SHISA7: variants seen among roughly 807,000 people sequenced by gnomAD.
SHISA7 encodes protein shisa-7.
A neutral mutation model predicts 23.9 loss-of-function variants in SHISA7; 6 were observed. That is an observed-to-expected ratio of 0.25 (90% CI 0.14 to 0.50). SHISA7 has a LOEUF of 0.50. Ranked by LOEUF, SHISA7 falls within the 20% of genes least tolerant of loss-of-function variation. The pLI is 0.98. For missense variants in SHISA7, 671 were observed against 801.1 expected (o/e 0.84, Z 1.96); for synonymous variants, 386 against 398.3 (o/e 0.97, Z 0.37).
At chr19:55,434,782 G>GGT (rs1295337245) in intron 3 of SHISA7, among the ~76,000 whole-genome samples, 2 of 119,618 alleles carry the variant, frequency 1.7e-5, no homozygotes, top group Non-Finnish European at 3.5e-5. Context: ...GTGTGTGTAT[G>GGT]GTGTGTGTGG....
intron 3 of SHISA7, among the ~76,000 whole-genome samples, chr19:55,435,096 GTGTA>G (rs1985401770): frequency 2.1e-5 from 1 of 48,078 alleles, no homozygotes; most frequent in Non-Finnish European, 4.5e-5. Flanking sequence ...TGTGGTGTGT[GTGTA>G]TGGTGTGTGT....
intron 2 of SHISA7, among the ~76,000 whole-genome samples, chr19:55,439,747 C>G (rs536228329): frequency 1.3e-5 from 2 of 152,082 alleles, no homozygotes; most frequent in Admixed American, 1.3e-4. Flanking sequence ...TCAAATACCT[C>G]TCCCTCGGAG....
At chr19:55,435,966 G>A (rs888969958) in intron 3 of SHISA7, among the ~76,000 whole-genome samples, 2 of 152,110 alleles carry the variant, frequency 1.3e-5, no homozygotes, top group East Asian at 3.9e-4. Context: ...GTGTGTGTGT[G>A]TGTGTGTCTC....
At chr19:55,434,831 G>GGTGTGTGTGGT (rs570559411) in intron 3 of SHISA7, among the ~76,000 whole-genome samples, 2 of 77,950 alleles carry the variant, frequency 2.6e-5, no homozygotes, top group Non-Finnish European at 4.7e-5. Context: ...ATGTGTGTGT[G>GGTGTGTGTGGT]GTGTGTGGTG....
chr19:55,438,685 G>A (rs1031501070), intron 2 of SHISA7: 127 of 1,273,868 alleles, frequency 1.0e-4, no homozygotes, highest in Middle Eastern at 4.3e-4. Context: ...AGCTGGCACC[G>A]TGGCCCTGAT....
intron 3 of SHISA7, among the ~76,000 whole-genome samples, chr19:55,434,013 G>A (rs140883299): frequency 1.3e-5 from 2 of 150,942 alleles, no homozygotes; most frequent in Admixed American, 6.6e-5. Flanking sequence ...CCCCCGCGCC[G>A]CCTATCCCTT....
chr19:55,431,286 G>A lies in SHISA7; in HGVS notation c.*1870C>T, dbSNP rs1047780802. 3 of 152,174 alleles carry A rather than the reference G, an allele frequency of 2.0e-5. No individual in the cohort carries two copies. The highest frequency in any genetic ancestry group is 2.0e-4 in the Admixed American group (3 of 15,276). The allele number at this position is 152,174 out of a possible 1,614,324, so 9.4% of individuals were successfully genotyped here. A position where few individuals can be genotyped will look rare whatever the true frequency, so the allele number is the denominator to read the frequency against. ...TGACACCAAAATCATGAGGGATTAT[G>A]GGAAATGGTGGAATCATCAGTCCTA... On this transcript the variant is annotated 3_prime_UTR_variant, in exon 4 of 4. Transcript: ENST00000376325.
Position 55,429,014 on chromosome 19 carries a change from T to C in SHISA7, c.*4142A>G, listed in dbSNP as rs762189473. 6.6e-6 allele frequency: 1 copy of C among 152,412 alleles called. No homozygotes were observed. The highest frequency in any genetic ancestry group is 6.5e-5 in the Admixed American group (1 of 15,288). The allele number at this position is 152,412 out of a possible 1,614,324, so 9.4% of individuals were successfully genotyped here. On this transcript the variant is annotated 3_prime_UTR_variant, in exon 4 of 4. Coordinates refer to ENST00000376325, the MANE Select transcript of SHISA7 (RefSeq NM_001145176.2). ...ATGGGTTTGTGTGCATTTGCATTTGTTGGGGCATGGGGAAGTCTCAGATGA... is the reference window on the plus strand; with the variant it reads ...ATGGGTTTGTGTGCATTTGCATTTGCTGGGGCATGGGGAAGTCTCAGATGA...
rs1985276167 is a variant in SHISA7, at chr19:55,433,789, C to T, written c.984G>A (p.Lys328=). 2 of 1,411,328 alleles carry T rather than the reference C, an allele frequency of 1.4e-6. No homozygotes were observed. Among genetic ancestry groups the T allele is most frequent in the South Asian group, 3.0e-5 (2 of 67,042 alleles). The allele number at this position is 1,411,328 out of a possible 1,614,324, so 87.4% of individuals were successfully genotyped here. Residue 328 remains lysine, a synonymous_variant, in exon 4 of 4, where the codon AAG becomes AAA. Coordinates refer to ENST00000376325, the MANE Select transcript of SHISA7 (RefSeq NM_001145176.2). The surrounding 1 kb of genome is among the most constrained non-coding windows in gnomAD (Gnocchi z 8.4). The part of the protein sequence containing the change: ...RYSSLKRLAE[K]DLDEAYLKRR... ...GCTTCAGGTAGGCCTCGTCCAGATCCTTCTCGGCTGCGGGGAGAGGGGGAA... is the reference window on the plus strand; with the variant it reads ...GCTTCAGGTAGGCCTCGTCCAGATCTTTCTCGGCTGCGGGGAGAGGGGGAA...
Position 55,442,801 on chromosome 19 carries a change from C to A in SHISA7, c.63G>T (p.Pro21=). 6.1e-6 allele frequency: 8 copies of A among 1,308,816 alleles called. No homozygotes were observed. The highest frequency in any genetic ancestry group is 7.8e-6 in the Non-Finnish European group (8 of 1,029,384). The allele number at this position is 1,308,816 out of a possible 1,614,324, so 81.1% of individuals were successfully genotyped here. ...ASSAGQARAR[P]SNATSAEPAG... is the part of the protein sequence containing the mutation. Reference sequence around the variant, plus strand: ...CGGGCTCGGCGCTCGTGGCGTTGGACGGGCGCGCCCTGGCCTGGCCGGCGC... The same window carrying A: ...CGGGCTCGGCGCTCGTGGCGTTGGAAGGGCGCGCCCTGGCCTGGCCGGCGC... The change falls in exon 1 of 4, where the codon CCG becomes CCT. Residue 21 remains proline, a synonymous_variant. Coordinates refer to ENST00000376325, the MANE Select transcript of SHISA7 (RefSeq NM_001145176.2).
At chr19:55,435,162 G>GGT (rs1985410188) in intron 3 of SHISA7, among the ~76,000 whole-genome samples, 1 of 130,562 alleles carries the variant, frequency 7.7e-6, no homozygotes, top group Non-Finnish European at 1.6e-5. Flanking sequence ...TGTGTGGTGT[G>GGT]TGTGTATGGT....
chr19:55,435,408 T>TG (rs1555753677), intron 3 of SHISA7, among the ~76,000 whole-genome samples: 159 of 132,498 alleles, frequency 1.2e-3, no homozygotes, highest in African/African-American at 3.8e-3. Flanking sequence ...TGGGTGTGTG[T>TG]TGTGTGTGTG....
chr19:55,434,564 G>GA (rs1985331827), intron 3 of SHISA7, among the ~76,000 whole-genome samples: 1 of 122,848 alleles, frequency 8.1e-6, no homozygotes. Context: ...GGTGTGTGTG[G>GA]TGTGTGTGTA....
rs1435863303 is a variant in SHISA7 at position 55,433,586 on chromosome 19, G to C, written c.1187C>G (p.Ser396Trp). Residue 396 changes from serine to tryptophan, a missense_variant, in exon 4 of 4, where the codon TCG becomes TGG. Around this residue, in one of 5 missense-constraint regions of SHISA7, gnomAD observed 457 missense variants for 488.3 expected, o/e 0.94. Transcript: ENST00000376325. This position sits in a 1 kb window ranked among gnomAD's most constrained non-coding sequence, Gnocchi z 8.4. ...QEHLLGDGGR[S>W]RYEFTLPRAR... ...GCGCGGCAGCGTGAACTCGTAGCGCGAACGGCCACCATCGCCCAGCAGGTG... is the reference window on the plus strand; with the variant it reads ...GCGCGGCAGCGTGAACTCGTAGCGCCAACGGCCACCATCGCCCAGCAGGTG... The C allele has an allele frequency of 5.3e-6, 8 of 1,498,680 alleles. No individual in the cohort carries two copies. The highest frequency in any genetic ancestry group is 6.2e-6 in the Non-Finnish European group (7 of 1,130,142). 92.8% of individuals were successfully genotyped at this position (1,498,680 alleles called of 1,614,324 possible). A position where few individuals can be genotyped will look rare whatever the true frequency, so the allele number is the denominator to read the frequency against.
chr19:55,431,741 T>C lies in SHISA7; in HGVS notation c.*1415A>G, dbSNP rs1286744305. On this transcript the variant is annotated 3_prime_UTR_variant, in exon 4 of 4. Transcript: ENST00000376325. ...GACTTTGTTGACAGAGGTGATTGTC[T>C]CTAGATATGGCAGAAAGAAAAGTGA... 1 of 152,104 alleles carries C rather than the reference T, an allele frequency of 6.6e-6. No homozygotes were observed. Among genetic ancestry groups the C allele is most frequent in the Non-Finnish European group, 1.5e-5 (1 of 68,042 alleles). The allele number at this position is 152,104 out of a possible 1,614,324, so 9.4% of individuals were successfully genotyped here.
At chr19:55,438,644 GGAGATGAT>G (rs1985525306) in intron 2 of SHISA7, 1 of 1,303,968 alleles carries the variant, frequency 7.7e-7, no homozygotes, top group Non-Finnish European at 1.0e-6. Flanking sequence ...GACCGAGAAG[GGAGATGAT>G]GTCACTGCCA....
chr19:55,442,865 G>C lies in SHISA7; in HGVS notation c.-2C>G. ...TACGAGGAGCAGGAGGGCCGGCATG[G>C]GGCTTGCAGGGGGTCGCACTGGGCC... On this transcript the variant is annotated 5_prime_UTR_variant, in exon 1 of 4. Coordinates refer to ENST00000376325, the MANE Select transcript of SHISA7 (RefSeq NM_001145176.2). 1 of 1,364,908 alleles carries C rather than the reference G, an allele frequency of 7.3e-7. No individual in the cohort carries two copies. The allele number at this position is 1,364,908 out of a possible 1,614,324, so 84.5% of individuals were successfully genotyped here. A position where few individuals can be genotyped will look rare whatever the true frequency, so the allele number is the denominator to read the frequency against.
chr19:55,436,046 GGAGGCC>G (rs1483080173), intron 3 of SHISA7, among the ~76,000 whole-genome samples: 1 of 152,154 alleles, frequency 6.6e-6, no homozygotes, highest in Non-Finnish European at 1.5e-5. Context: ...CAGCACTTTG[GGAGGCC>G]GAGGCAGGTG....
chr19:55,438,298 G>A (rs887340029), intron 2 of SHISA7, among the ~76,000 whole-genome samples: 1 of 152,192 alleles, frequency 6.6e-6, no homozygotes, highest in African/African-American at 2.4e-5. Flanking sequence ...GGCCCCAAGA[G>A]GGGGGTACTG....
Sources: allele counts gnomAD v4.1 joint callset (sites outside exome capture counted in the v4.1 genomes callset), GRCh38; gene constraint gnomAD v4.1.1; regional missense constraint gnomAD v4.1.1; non-coding constraint Gnocchi (gnomAD v3.1); transcripts MANE v1.5; gene names NCBI Gene and HGNC (gene_info 2026-07-23, HGNC 2026-07-21).